The following DYNLRB1 variants were observed in gnomAD, a reference collection of about 807,000 sequenced individuals.
DYNLRB1 encodes the protein dynein light chain roadblock-type 1, also known as ROBL/LC7-like 1.
Under a neutral mutation model 13.5 loss-of-function variants are expected in DYNLRB1, and 6 were observed. The ratio of observed to expected loss-of-function variants is 0.44; its 90% CI spans 0.24 to 0.88. The LOEUF is 0.88. Among genes scored for constraint, DYNLRB1 ranks in the 40% least tolerant of loss-of-function variants. The pLI, the probability that DYNLRB1 is intolerant of heterozygous loss-of-function variation, is 0.21. For synonymous variants in DYNLRB1, 43 were observed against 45.0 expected (o/e 0.96, Z 0.18); for missense variants, 93 against 127.2 (o/e 0.73, Z 1.29).
chr20:34,535,826 G>A, intron 3 of DYNLRB1: 1 of 985,236 alleles, frequency 1.0e-6, no homozygotes, highest in Non-Finnish European at 1.2e-6. Context: ...GAGGTTTTTA[G>A]GGCAGGAGGT....
upstream of DYNLRB1, among the ~76,000 whole-genome samples, chr20:34,515,761 C>A (rs967526061): frequency 6.6e-6 from 1 of 152,180 alleles, no homozygotes; most frequent in Non-Finnish European, 1.5e-5. Context: ...TCCCACTTGC[C>A]TTCATACCCT....
upstream of DYNLRB1, chr20:34,516,347 G>T: frequency 6.8e-7 from 1 of 1,466,190 alleles, no homozygotes. Context: ...CCTCACGCTG[G>T]CTCCTGATAG....
At chr20:34,536,810 CCT>C (rs1568604528) in intron 3 of DYNLRB1, among the ~76,000 whole-genome samples, 2 of 151,534 alleles carry the variant, frequency 1.3e-5, no homozygotes, top group African/African-American at 4.9e-5. Flanking sequence ...GCACAGCAGA[CCT>C]TGTGCTCCCC....
chr20:34,529,920 G>C, intron 2 of DYNLRB1: 1 of 1,488,762 alleles, frequency 6.7e-7, no homozygotes, highest in East Asian at 2.6e-5. Context: ...CCCCTGATCA[G>C]TTGGGTGGCC....
At chr20:34,521,446 T>G (rs75930022) in intron 1 of DYNLRB1, among the ~76,000 whole-genome samples, 75 of 150,796 alleles carry the variant, frequency 5.0e-4, no homozygotes, top group South Asian at 2.9e-3. Flanking sequence ...CATTTTGTGT[T>G]TTTTTTTTAT....
intron 2 of DYNLRB1, chr20:34,530,121 C>A: frequency 8.1e-7 from 1 of 1,229,218 alleles, no homozygotes; most frequent in East Asian, 3.2e-5. Context: ...CAGCTGTGAC[C>A]CCCAGGCTTC....
intron 1 of DYNLRB1, chr20:34,516,883 A>G: frequency 6.6e-7 from 1 of 1,506,030 alleles, no homozygotes; most frequent in Middle Eastern, 1.7e-4. Flanking sequence ...TGAGGTAGAT[A>G]CAATCTTTAG....
chr20:34,530,909 A>G (rs1043434071), intron 2 of DYNLRB1: 2 of 152,196 alleles, frequency 1.3e-5, no homozygotes, highest in African/African-American at 4.8e-5. Context: ...GACATACCCA[A>G]GTCCCAATAC....
chr20:34,531,096 A>G (rs987646618), intron 2 of DYNLRB1: 14 of 152,372 alleles, frequency 9.2e-5, no homozygotes, highest in African/African-American at 3.1e-4. Flanking sequence ...AGGCAGAATA[A>G]AAGGCTTAAA....
Position 34,540,906 on chromosome 20 carries a change from G to A in DYNLRB1, c.*282G>A. 1 of 415,336 alleles carries A rather than the reference G, an allele frequency of 2.4e-6. No homozygotes were observed. The highest frequency in any genetic ancestry group is 4.2e-6 in the Non-Finnish European group (1 of 235,672). 25.7% of individuals were successfully genotyped at this position (415,336 alleles called of 1,614,324 possible). A position where few individuals can be genotyped will look rare whatever the true frequency, so the allele number is the denominator to read the frequency against. ...TTCCTTCTGACCTTCAGTTCACTTT[G>A]TCGCCCTTGGAGAAAGCTGTTTTTC... is the stretch of plus-strand genomic sequence containing the variant. On this transcript the variant is annotated 3_prime_UTR_variant, in exon 4 of 4. Coordinates refer to ENST00000357156, the MANE Select transcript of DYNLRB1 (RefSeq NM_014183.4).
chr20:34,528,552 T>C (rs180798934), intron 2 of DYNLRB1, among the ~76,000 whole-genome samples: 2 of 152,058 alleles, frequency 1.3e-5, no homozygotes, highest in Admixed American at 1.3e-4. Flanking sequence ...CCACAGTGGG[T>C]GTTGCCATCA....
intron 2 of DYNLRB1, among the ~76,000 whole-genome samples, chr20:34,528,847 G>A (rs990084950): frequency 1.3e-5 from 2 of 152,082 alleles, no homozygotes; most frequent in African/African-American, 2.4e-5. Context: ...GGTGGCACAC[G>A]CCTGTAGTCT....
At chr20:34,525,753 G>A (rs1468223726) in intron 1 of DYNLRB1, among the ~76,000 whole-genome samples, 2 of 152,052 alleles carry the variant, frequency 1.3e-5, no homozygotes, top group African/African-American at 2.4e-5. Context: ...CAAGATTAAT[G>A]AGCCCCTTCC....
rs1197055660 is a variant in DYNLRB1, at chr20:34,516,916, GT to G, written c.3+457del. 5 of 1,393,794 alleles carry G rather than the reference GT, an allele frequency of 3.6e-6. No individual in the cohort carries two copies. In the East Asian group the frequency reaches 1.4e-4, roughly 40 times the overall value. 86.3% of individuals were successfully genotyped at this position (1,393,794 alleles called of 1,614,324 possible). A position where few individuals can be genotyped will look rare whatever the true frequency, so the allele number is the denominator to read the frequency against. On this transcript the variant is annotated intron_variant, in intron 1 of 3. Coordinates refer to ENST00000357156, the MANE Select transcript of DYNLRB1 (RefSeq NM_014183.4). Reference sequence around the variant, plus strand: ...TAGTCCCATTTTGTTATACATATCTGTTATTCAGCGCCCCGAGAAGCCAAGT... The same window carrying G: ...TAGTCCCATTTTGTTATACATATCTGTATTCAGCGCCCCGAGAAGCCAAGT...
At chr20:34,520,374 T>C (rs1229213051) in intron 1 of DYNLRB1, among the ~76,000 whole-genome samples, 1 of 152,220 alleles carries the variant, frequency 6.6e-6, no homozygotes, top group Non-Finnish European at 1.5e-5. Flanking sequence ...GACTACATAA[T>C]ACTCGGTGAA....
chr20:34,532,509 C>T (rs1470560614), intron 2 of DYNLRB1, among the ~76,000 whole-genome samples: 1 of 152,140 alleles, frequency 6.6e-6, no homozygotes, highest in Non-Finnish European at 1.5e-5. Context: ...TTCTTAGGCC[C>T]CCAGGAATGC....
chr20:34,516,404 A>G (rs1979166566), upstream of DYNLRB1: 3 of 1,602,516 alleles, frequency 1.9e-6, no homozygotes, highest in African/African-American at 1.3e-5. Context: ...GCAGGCGCAG[A>G]AAGGCACAGG....
At chr20:34,526,485 CTTTTTTTTTT>C (rs386393667) in intron 2 of DYNLRB1, 142 bp downstream of exon 2, 2 of 238,002 alleles carry the variant, frequency 8.4e-6, no homozygotes, top group African/African-American at 3.3e-5. Flanking sequence ...CTCCAGTGTT[CTTTTTTTTTT>C]TTTTTTTTTT....
At chr20:34,529,828 A>G (rs1315819186) in intron 2 of DYNLRB1, 1 of 1,489,632 alleles carries the variant, frequency 6.7e-7, no homozygotes, top group South Asian at 1.3e-5. Context: ...TTCTGATTAA[A>G]CCATGTGGTC....
Sources: allele counts gnomAD v4.1 joint callset (sites outside exome capture counted in the v4.1 genomes callset), GRCh38; gene constraint gnomAD v4.1.1; transcripts MANE v1.5; gene names NCBI Gene and HGNC (gene_info 2026-07-23, HGNC 2026-07-21).